The following CPOX variants were observed in gnomAD, a reference collection of about 807,000 sequenced individuals.
CPOX encodes oxygen-dependent coproporphyrinogen-III oxidase, mitochondrial.
In CPOX, 24 loss-of-function variants were observed where a neutral mutation model predicts 48.9. The ratio of observed to expected loss-of-function variants is 0.49; its 90% CI spans 0.36 to 0.69. CPOX has a LOEUF of 0.69. Among genes scored for constraint, CPOX ranks in the 30% least tolerant of loss-of-function variants. CPOX has a pLI of 0.00. For synonymous variants in CPOX, 249 were observed against 234.6 expected (o/e 1.06, Z -0.56); for missense variants, 549 against 597.3 (o/e 0.92, Z 0.84).
downstream of CPOX, among the ~76,000 whole-genome samples, chr3:98,577,386 G>C (rs1289240846): frequency 6.6e-6 from 1 of 152,156 alleles, no homozygotes; most frequent in African/African-American, 2.4e-5. Context: ...AGTGCCCAGA[G>C]GCAGGGAGAG....
In CPOX at chr3:98,593,471, G is replaced by A. The variant is rs938112157; in HGVS notation, c.34C>T (p.Pro12Ser). 5 of 1,513,522 alleles carry A rather than the reference G, an allele frequency of 3.3e-6. No individual in the cohort carries two copies. The highest frequency in any genetic ancestry group is 2.5e-5 in the South Asian group (2 of 81,444). The allele number at this position is 1,513,522 out of a possible 1,614,324, so 93.8% of individuals were successfully genotyped here. ...CCGCCCCGCGCCACGAGCCAGCAGGGGCCCGAGCTCAGCCTGCCCAGCTGC... is the reference window on the plus strand; with the variant it reads ...CCGCCCCGCGCCACGAGCCAGCAGGAGCCCGAGCTCAGCCTGCCCAGCTGC... ...ALQLGRLSSG[P>S]CWLVARGGCG... The change falls in exon 1 of 7, where the codon CCC becomes TCC. Residue 12 changes from proline (P) to serine (S), a missense_variant. Pro to Ser is a moderately conservative substitution (Grantham distance 74). This residue lies in a region of CPOX where 336 missense variants were observed against 318.1 expected (regional missense o/e 1.06). Coordinates refer to ENST00000647941, the MANE Select transcript of CPOX (RefSeq NM_000097.7).
chr3:98,592,919 C>A, intron 1 of CPOX, 30 bp downstream of exon 1: 1 of 1,598,380 alleles, frequency 6.3e-7, no homozygotes. Context: ...TTCCCTGTCT[C>A]CAACTCCCGC....
At chr3:98,583,187 T>C (rs778908751) in intron 5 of CPOX, among the ~76,000 whole-genome samples, 21 of 152,190 alleles carry the variant, frequency 1.4e-4, no homozygotes, top group Non-Finnish European at 2.8e-4. Flanking sequence ...GATGCCCCTT[T>C]CTCTACATTG....
intron 6 of CPOX, 90 bp from the exon 7 acceptor site, chr3:98,580,860 G>C: frequency 1.3e-4 from 153 of 1,204,870 alleles, no homozygotes; most frequent in East Asian, 1.4e-4. Context: ...AAAATCCTAA[G>C]AATAAAAAAA....
In CPOX at chr3:98,580,205, A is replaced by G; in HGVS notation, c.*478T>C. Reference sequence around the variant, plus strand: ...ATATAAGGATTACAGCAGAGACTTCAGTATTGACAAAGTAAAATTTTTACC... The same window carrying G: ...ATATAAGGATTACAGCAGAGACTTCGGTATTGACAAAGTAAAATTTTTACC... On this transcript the variant is annotated 3_prime_UTR_variant, in exon 7 of 7. Coordinates refer to ENST00000647941, the MANE Select transcript of CPOX (RefSeq NM_000097.7). 4 of 994,736 alleles carry G rather than the reference A, an allele frequency of 4.0e-6. No homozygotes were observed. The highest frequency in any genetic ancestry group is 4.8e-6 in the Non-Finnish European group (4 of 834,838). The allele number at this position is 994,736 out of a possible 1,614,324, so 61.6% of individuals were successfully genotyped here.
intron 6 of CPOX, 60 bp downstream of exon 6, chr3:98,581,347 T>C: frequency 8.4e-7 from 1 of 1,191,596 alleles, no homozygotes; most frequent in South Asian, 1.2e-5. Context: ...CTTTCATATT[T>C]TGTGGGTGTT....
chr3:98,590,544 T>G (rs1308303411), intron 3 of CPOX, 88 bp downstream of exon 3: 4 of 950,448 alleles, frequency 4.2e-6, no homozygotes, highest in Non-Finnish European at 5.1e-6. Context: ...AGACTATTCT[T>G]TCTCGCTTTT....
Position 98,585,620 on chromosome 3 carries a change from C to T in CPOX, c.993G>A (p.Arg331=), listed in dbSNP as rs575595009. The change falls in exon 5 of 7, where the codon CGG becomes CGA. Residue 331 remains arginine, a synonymous_variant. Coordinates refer to ENST00000647941, the MANE Select transcript of CPOX (RefSeq NM_000097.7). ...DYFFIAHRGE[R]RGIGGIFFDD... ...CAAAAAAGATACCACCAATGCCCCG[C>T]CGTTCTCCACGATGGGCTATAAAGA... 8.7e-6 allele frequency: 14 copies of T among 1,614,088 alleles called. No individual in the cohort carries two copies. The African/African-American group carries it at 1.3e-4, about 15-fold the overall frequency.
intron 3 of CPOX, 43 bp downstream of exon 3, chr3:98,590,589 C>T (rs532670632): frequency 6.7e-6 from 9 of 1,334,500 alleles, no homozygotes; most frequent in Middle Eastern, 1.8e-4. Context: ...TTAAAATGCA[C>T]ATTTTGCACG....
downstream of CPOX, chr3:98,578,232 T>C (rs776715936): frequency 9.3e-5 from 90 of 967,948 alleles, no homozygotes; most frequent in Non-Finnish European, 1.1e-4. Flanking sequence ...TTTTCAGACA[T>C]AGTCTAATCC....
At chr3:98,591,990 TGG>T (rs1334455629) in intron 1 of CPOX, among the ~76,000 whole-genome samples, 7 of 65,494 alleles carry the variant, frequency 1.1e-4, no homozygotes, top group African/African-American at 6.0e-4. Flanking sequence ...TATATGTATA[TGG>T]ATATATATAT....
intron 1 of CPOX, 38 bp from the exon 2 acceptor site, chr3:98,591,193 G>C: frequency 6.2e-7 from 1 of 1,612,942 alleles, no homozygotes; most frequent in Non-Finnish European, 8.5e-7. Context: ...GAATGTAAGA[G>C]TATGTGCAAA....
chr3:98,585,407 T>C, intron 5 of CPOX, 34 bp downstream of exon 5: 3 of 1,565,578 alleles, frequency 1.9e-6, no homozygotes, highest in Non-Finnish European at 2.6e-6. Flanking sequence ...CTCCCCCACT[T>C]AGCCATGAAA....
chr3:98,588,162 T>C (rs1255155377), intron 4 of CPOX, among the ~76,000 whole-genome samples: 1 of 152,244 alleles, frequency 6.6e-6, no homozygotes, highest in Non-Finnish European at 1.5e-5. Context: ...ACTTTACTCA[T>C]ATTCCAAACA....
rs1707235559 is a variant in CPOX at position 98,580,448 on chromosome 3, T to C, written c.*235A>G. 2.2e-6 allele frequency: 3 copies of C among 1,346,262 alleles called. No individual in the cohort carries two copies. Among genetic ancestry groups the C allele is most frequent in the Non-Finnish European group, 2.9e-6 (3 of 1,045,888 alleles). 83.4% of individuals were successfully genotyped at this position (1,346,262 alleles called of 1,614,324 possible). A position where few individuals can be genotyped will look rare whatever the true frequency, so the allele number is the denominator to read the frequency against. On this transcript the variant is annotated 3_prime_UTR_variant, in exon 7 of 7. Transcript: ENST00000647941. ...TGTCCTATTTTGTAAACTAGTCATA[T>C]AAAATGACACTAGAAGTATAAATGA...
At chr3:98,571,727 T>A in the CPOX span, among the ~76,000 whole-genome samples, 2 of 151,802 alleles carry the variant, frequency 1.3e-5, no homozygotes, top group Non-Finnish European at 2.9e-5. Context: ...AAACGCTGTA[T>A]TAGTTATGTC....
At chr3:98,575,652 G>A (rs571206419), downstream of CPOX, among the ~76,000 whole-genome samples, 5 of 150,092 alleles carry the variant, frequency 3.3e-5, no homozygotes, top group South Asian at 2.2e-4. Flanking sequence ...AAAATTAGCC[G>A]GGTGTGCTGG....
chr3:98,587,710 C>T (rs1001388100), intron 4 of CPOX, among the ~76,000 whole-genome samples: 2 of 151,536 alleles, frequency 1.3e-5, no homozygotes, highest in African/African-American at 2.4e-5. Flanking sequence ...GGTTAAATTT[C>T]GACATGAGTT....
chr3:98,581,208 G>A (rs1328627145), intron 6 of CPOX, among the ~76,000 whole-genome samples, 199 bp downstream of exon 6: 3 of 152,064 alleles, frequency 2.0e-5, no homozygotes, highest in Non-Finnish European at 4.4e-5. Context: ...TGCCCTCATA[G>A]AGCTGTGGGA....
Sources: allele counts gnomAD v4.1 joint callset (sites outside exome capture counted in the v4.1 genomes callset), GRCh38; gene constraint gnomAD v4.1.1; regional missense constraint gnomAD v4.1.1; transcripts MANE v1.5; gene names NCBI Gene and HGNC (gene_info 2026-07-23, HGNC 2026-07-21).